NOS1AP: variants seen among roughly 807,000 people sequenced by gnomAD.
NOS1AP encodes carboxyl-terminal PDZ ligand of neuronal nitric oxide synthase protein.
A neutral mutation model predicts 56.2 loss-of-function variants in NOS1AP; 21 were observed. That is an observed-to-expected ratio of 0.37 (90% confidence interval 0.26 to 0.54). The LOEUF is 0.54. NOS1AP is among the 20% of genes least tolerant of loss of function. The pLI, the probability that NOS1AP is intolerant of heterozygous loss-of-function variation, is 0.84. For missense variants in NOS1AP, 522 were observed against 657.8 expected (o/e 0.79, Z 2.26); for synonymous variants, 270 against 274.6 (o/e 0.98, Z 0.17).
At chr1:162,197,456 G>T (rs962672668) in intron 2 of NOS1AP, among the ~76,000 whole-genome samples, 1 of 152,206 alleles carries the variant, frequency 6.6e-6, no homozygotes, top group African/African-American at 2.4e-5. Flanking sequence ...GTTGTCTAGC[G>T]TGCTGGATCT....
intron 2 of NOS1AP, among the ~76,000 whole-genome samples, chr1:162,181,238 G>A (rs1306483522): frequency 6.6e-6 from 1 of 152,174 alleles, no homozygotes; most frequent in East Asian, 1.9e-4. Flanking sequence ...AAAGGAGAAG[G>A]ATTTGAATAT....
At chr1:162,318,856 T>A (rs998241408) in intron 4 of NOS1AP, among the ~76,000 whole-genome samples, 1 of 152,170 alleles carries the variant, frequency 6.6e-6, no homozygotes, top group Non-Finnish European at 1.5e-5. Context: ...GTTCCTTAGT[T>A]CTTTTTTCCT....
In NOS1AP at chr1:162,368,445, A is replaced by AAAAAAAAAAG. The variant is rs1647233286; in HGVS notation, c.*984_*985insAAAGAAAAAA. ...GGTGGTCAGTTTTTACTGCAAAAAA[A>AAAAAAAAAAG]AAAAAAGAAAAAAGAGAAAGAAAAA... is the stretch of plus-strand genomic sequence containing the variant. On this transcript the variant is annotated 3_prime_UTR_variant, in exon 10 of 10. Coordinates refer to ENST00000361897, the MANE Select transcript of NOS1AP (RefSeq NM_014697.3). 1 of 150,284 alleles carries AAAAAAAAAAG rather than the reference A, an allele frequency of 6.7e-6. No homozygotes were observed. Among genetic ancestry groups the AAAAAAAAAAG allele is most frequent in the African/African-American group, 2.4e-5 (1 of 41,130 alleles). 9.3% of individuals were successfully genotyped at this position (150,284 alleles called of 1,614,324 possible). A position where few individuals can be genotyped will look rare whatever the true frequency, so the allele number is the denominator to read the frequency against.
chr1:162,288,928 G>A (rs1179476219), intron 3 of NOS1AP, among the ~76,000 whole-genome samples: 1 of 152,152 alleles, frequency 6.6e-6, no homozygotes, highest in Non-Finnish European at 1.5e-5. Flanking sequence ...GGACAGTCAC[G>A]GGACAGTCTT....
At chr1:162,153,991 G>A (rs1276367025) in intron 1 of NOS1AP, among the ~76,000 whole-genome samples, 1 of 145,462 alleles carries the variant, frequency 6.9e-6, no homozygotes, top group African/African-American at 2.6e-5. Flanking sequence ...TTTTTTGAGA[G>A]CACTAATATT....
intron 4 of NOS1AP, among the ~76,000 whole-genome samples, chr1:162,306,909 C>T (rs1655851400): frequency 6.6e-6 from 1 of 151,526 alleles, no homozygotes; most frequent in Non-Finnish European, 1.5e-5. Context: ...AGAGTGAGAA[C>T]CTGAGAGGCA....
At chr1:162,143,727 G>T in intron 1 of NOS1AP, among the ~76,000 whole-genome samples, 1 of 152,114 alleles carries the variant, frequency 6.6e-6, no homozygotes, top group Non-Finnish European at 1.5e-5. Flanking sequence ...CTCTCAAAGT[G>T]CTGGGATTTC....
At chr1:162,331,281 A>G (rs1656758706) in intron 4 of NOS1AP, among the ~76,000 whole-genome samples, 1 of 152,062 alleles carries the variant, frequency 6.6e-6, no homozygotes, top group Admixed American at 6.5e-5. Context: ...TGTAGCAGAG[A>G]AACTACAGTC....
intron 2 of NOS1AP, among the ~76,000 whole-genome samples, chr1:162,215,344 G>A (rs1652533348): frequency 6.6e-6 from 1 of 152,236 alleles, no homozygotes; most frequent in South Asian, 2.1e-4. Flanking sequence ...CTGGCTTGCT[G>A]GGTGGGCCAC....
chr1:162,205,389 G>T (rs554099526), intron 2 of NOS1AP, among the ~76,000 whole-genome samples: 45 of 152,326 alleles, frequency 3.0e-4, no homozygotes, highest in South Asian at 1.9e-3. Flanking sequence ...CCTCTTGATT[G>T]CAAGACAAAG....
At chr1:162,339,422 A>G (rs1657038016) in intron 5 of NOS1AP, among the ~76,000 whole-genome samples, 1 of 152,228 alleles carries the variant, frequency 6.6e-6, no homozygotes, top group East Asian at 1.9e-4. Flanking sequence ...AAAATCTAGT[A>G]AATTCCAGAG....
rs188650264 is a variant in NOS1AP, at chr1:162,265,927, G to A, written c.178-21417G>A. On this transcript the variant is annotated intron_variant, in intron 2 of 9. Coordinates refer to ENST00000361897, the MANE Select transcript of NOS1AP (RefSeq NM_014697.3). ...AGATCTTGACTCCTTATGTAGTGCTGCTCTGCCTAGTATGACCCTGACCTC... is the reference window on the plus strand; with the variant it reads ...AGATCTTGACTCCTTATGTAGTGCTACTCTGCCTAGTATGACCCTGACCTC... 5.9e-5 allele frequency among the ~76,000 whole-genome samples: 9 copies of A among 152,340 alleles called. No individual in the cohort carries two copies. The East Asian group carries it at 1.5e-3, about 26-fold the overall frequency.
chr1:162,250,483 A>G (rs536753384), intron 2 of NOS1AP, among the ~76,000 whole-genome samples: 3 of 152,346 alleles, frequency 2.0e-5, no homozygotes, highest in East Asian at 3.9e-4. Flanking sequence ...CTCTGGGCCT[A>G]TCTGGTTCCC....
At chr1:162,219,217 G>A (rs1280316366) in intron 2 of NOS1AP, among the ~76,000 whole-genome samples, 7 of 152,260 alleles carry the variant, frequency 4.6e-5, no homozygotes, top group African/African-American at 1.7e-4. Flanking sequence ...GGTTGTGATC[G>A]ATGACATAAA....
intron 1 of NOS1AP, among the ~76,000 whole-genome samples, chr1:162,093,753 A>G (rs952924916): frequency 3.3e-5 from 5 of 151,786 alleles, no homozygotes; most frequent in South Asian, 2.1e-4. Context: ...AGGTCTCACT[A>G]TATTGCCCAG....
At chr1:162,318,988 A>G (rs1656323964) in intron 4 of NOS1AP, among the ~76,000 whole-genome samples, 1 of 151,956 alleles carries the variant, frequency 6.6e-6, no homozygotes, top group African/African-American at 2.4e-5. Flanking sequence ...TGCTCTCCCC[A>G]TGGTGGCTGC....
intron 1 of NOS1AP, among the ~76,000 whole-genome samples, chr1:162,106,551 T>C (rs1647518138): frequency 1.3e-5 from 2 of 152,172 alleles, no homozygotes; most frequent in African/African-American, 4.8e-5. Context: ...CAGATATATA[T>C]GTTCTTTCTT....
intron 2 of NOS1AP, among the ~76,000 whole-genome samples, chr1:162,209,375 G>T (rs1350904324): frequency 6.6e-6 from 1 of 152,118 alleles, no homozygotes; most frequent in African/African-American, 2.4e-5. Context: ...AATGCATGTA[G>T]ATAGAAGGGC....
intron 2 of NOS1AP, among the ~76,000 whole-genome samples, chr1:162,167,436 G>A (rs535046851): frequency 5.3e-5 from 8 of 152,332 alleles, no homozygotes; most frequent in Non-Finnish European, 1.2e-4. Flanking sequence ...ATAAGGCAGG[G>A]TCCTCCCCTC....
Sources: allele counts gnomAD v4.1 joint callset (sites outside exome capture counted in the v4.1 genomes callset), GRCh38; gene constraint gnomAD v4.1.1; transcripts MANE v1.5; gene names NCBI Gene and HGNC (gene_info 2026-07-23, HGNC 2026-07-21).